Variants in TNC observed in about 807,000 individuals in gnomAD.
TNC encodes the protein tenascin C, also known as tenascin.
In TNC, 109 loss-of-function variants were observed where a neutral mutation model predicts 202.4. The ratio of observed to expected loss-of-function variants is 0.54; its 90% CI spans 0.46 to 0.63. The LOEUF (loss-of-function observed/expected upper bound fraction) is 0.63, where lower values mean the gene tolerates loss of function less well. Ranked by LOEUF, TNC falls within the 30% of genes least tolerant of loss-of-function variation. The pLI, the probability that TNC is intolerant of heterozygous loss-of-function variation, is 0.00. For missense variants in TNC, 2,756 were observed against 2,833.3 expected (o/e 0.97, Z 0.62); for synonymous variants, 1,007 against 1,089.7 (o/e 0.92, Z 1.50).
At chr9:115,076,625 C>A (rs1833884613) in intron 7 of TNC, 50 bp from the exon 8 acceptor site, 1 of 1,590,660 alleles carries the variant, frequency 6.3e-7, no homozygotes, top group Admixed American at 1.7e-5. Context: ...CACAAGAGAG[C>A]AGGAGTCTTT....
In TNC at chr9:115,076,261, A is replaced by G. The variant is rs1225267559; in HGVS notation, c.2860+129T>C. 2.9e-6 allele frequency: 4 copies of G among 1,396,502 alleles called. No individual in the cohort carries two copies. The African/African-American group carries it at 4.3e-5, about 15-fold the overall frequency. 86.5% of individuals were successfully genotyped at this position (1,396,502 alleles called of 1,614,324 possible). A position where few individuals can be genotyped will look rare whatever the true frequency, so the allele number is the denominator to read the frequency against. On this transcript the variant is annotated intron_variant, in intron 8 of 27. Coordinates refer to ENST00000350763, the MANE Select transcript of TNC (RefSeq NM_002160.4). ...TTACAAAAGAACTCACTGCAATCCAATAAGCAGTATTTCAGGAAATTGGAC... is the reference window on the plus strand; with the variant it reads ...TTACAAAAGAACTCACTGCAATCCAGTAAGCAGTATTTCAGGAAATTGGAC...
chr9:115,021,142 A>G lies in TNC; in HGVS notation c.*15T>C. ...TCTGGGCCTTATTCCTCTCTCACCC[A>G]GTGGTCCCTGGAATTTATGCCCGTT... On this transcript the variant is annotated 3_prime_UTR_variant, in exon 28 of 28. Coordinates refer to ENST00000350763, the MANE Select transcript of TNC (RefSeq NM_002160.4). The G allele has an allele frequency of 6.2e-7, 1 of 1,600,862 alleles. No individual in the cohort carries two copies.
At position 115,021,100 on chromosome 9, in the gene TNC, T is replaced by G; in HGVS notation, c.*57A>C. On this transcript the variant is annotated 3_prime_UTR_variant, in exon 28 of 28. Transcript: ENST00000350763. ...TGGGCTGGTTGTATTGATGCTTTGG[T>G]AAAATCCTTTCCTCGCTCTGGGCCT... 7.0e-7 allele frequency: 1 copy of G among 1,430,766 alleles called. No homozygotes were observed. The highest frequency in any genetic ancestry group is 9.8e-7 in the Non-Finnish European group (1 of 1,018,708). 88.6% of individuals were successfully genotyped at this position (1,430,766 alleles called of 1,614,324 possible). A position where few individuals can be genotyped will look rare whatever the true frequency, so the allele number is the denominator to read the frequency against.
intron 15 of TNC, among the ~76,000 whole-genome samples, chr9:115,056,428 G>A (rs370811606): frequency 9.2e-5 from 14 of 152,236 alleles, no homozygotes; most frequent in African/African-American, 3.4e-4. Context: ...CTGACTTAGT[G>A]CACATCTCAC....
At position 115,036,094 on chromosome 9, in the gene TNC, G is replaced by A; in HGVS notation, c.5656+4C>T. 6.2e-7 allele frequency: 1 copy of A among 1,614,128 alleles called. No individual in the cohort carries two copies. Among genetic ancestry groups the A allele is most frequent in the Non-Finnish European group, 8.5e-7 (1 of 1,180,004 alleles). On this transcript the variant is annotated splice_donor_region_variant and intron_variant, in intron 21 of 27. Coordinates refer to ENST00000350763, the MANE Select transcript of TNC (RefSeq NM_002160.4). ...AGAGCTTCCAGCTCTCAGTGTCTTT[G>A]TACCTGTTGTGAACTTGGCAGTGAT... is the stretch of plus-strand genomic sequence containing the variant.
Position 115,029,273 on chromosome 9 carries a change from C to A in TNC, c.6169+87G>T, listed in dbSNP as rs749676579. 5.2e-6 allele frequency: 6 copies of A among 1,160,196 alleles called. No homozygotes were observed. In the African/African-American group the frequency reaches 9.2e-5, roughly 18 times the overall value. 71.9% of individuals were successfully genotyped at this position (1,160,196 alleles called of 1,614,324 possible). On this transcript the variant is annotated intron_variant, in intron 25 of 27. Coordinates refer to ENST00000350763, the MANE Select transcript of TNC (RefSeq NM_002160.4). ...AGTAGTTCTTCTTCCTCATCTCTTT[C>A]TCTCCCATAGGTCCCTGTGGGTTAG...
intron 7 of TNC, 100 bp downstream of exon 7, chr9:115,077,843 G>T (rs568060135): frequency 8.1e-6 from 10 of 1,240,622 alleles, no homozygotes; most frequent in South Asian, 3.3e-5. Flanking sequence ...TTCATTTTTC[G>T]TACTGTAAAA....
At chr9:115,042,782 A>T (rs964064086) in intron 17 of TNC, among the ~76,000 whole-genome samples, 5 of 152,222 alleles carry the variant, frequency 3.3e-5, no homozygotes, top group Admixed American at 6.5e-5. Flanking sequence ...GCCCCCAAAA[A>T]GATGTGATTA....
chr9:115,092,603 T>C (rs549960402), intron 1 of TNC, among the ~76,000 whole-genome samples: 37 of 152,296 alleles, frequency 2.4e-4, no homozygotes, highest in African/African-American at 8.9e-4. Context: ...AGACAGAGTC[T>C]CACTCTGTTG....
At chr9:115,076,002 A>G in intron 9 of TNC, 30 bp downstream of exon 9, 1 of 1,589,350 alleles carries the variant, frequency 6.3e-7, no homozygotes, top group South Asian at 1.1e-5. Flanking sequence ...GCACCAGCTC[A>G]GTGGGATGGG....
In TNC at chr9:115,021,002, G is replaced by A. The variant is rs1829020810; in HGVS notation, c.*155C>T. 2 of 596,858 alleles carry A rather than the reference G, an allele frequency of 3.4e-6. No individual in the cohort carries two copies. The highest frequency in any genetic ancestry group is 3.0e-6 in the Non-Finnish European group (1 of 337,082). 37.0% of individuals were successfully genotyped at this position (596,858 alleles called of 1,614,324 possible). A position where few individuals can be genotyped will look rare whatever the true frequency, so the allele number is the denominator to read the frequency against. Reference sequence around the variant, plus strand: ...AAATCACAGAGGAGGTGAGGCCCATGCTGTTGCCGTTGGCCCCAGGGATCC... The same window carrying A: ...AAATCACAGAGGAGGTGAGGCCCATACTGTTGCCGTTGGCCCCAGGGATCC... On this transcript the variant is annotated 3_prime_UTR_variant, in exon 28 of 28. Coordinates refer to ENST00000350763, the MANE Select transcript of TNC (RefSeq NM_002160.4).
chr9:115,087,698 C>CTTTT (rs752435283), intron 2 of TNC, among the ~76,000 whole-genome samples: 37 of 119,720 alleles, frequency 3.1e-4, no homozygotes, highest in African/African-American at 5.5e-4. Flanking sequence ...TCTTTCTTTT[C>CTTTT]TTTTTTTTTT....
At chr9:115,050,735 C>T (rs1296495524) in intron 15 of TNC, among the ~76,000 whole-genome samples, 3 of 152,126 alleles carry the variant, frequency 2.0e-5, no homozygotes, top group African/African-American at 7.2e-5. Flanking sequence ...TATAAAATTC[C>T]TACTGGATGC....
intron 1 of TNC, among the ~76,000 whole-genome samples, chr9:115,114,256 T>G (rs1837291460): frequency 1.3e-5 from 2 of 152,230 alleles, no homozygotes; most frequent in Admixed American, 1.3e-4. Context: ...GTGAGAGGTA[T>G]TTGAATCATA....
chr9:115,092,363 T>C (rs936363044), intron 1 of TNC, among the ~76,000 whole-genome samples: 1 of 152,184 alleles, frequency 6.6e-6, no homozygotes, highest in Non-Finnish European at 1.5e-5. Flanking sequence ...TTCACCTGTA[T>C]GAGCAATCAG....
At chr9:115,038,454 A>C in intron 19 of TNC, 74 bp from the exon 20 acceptor site, 2 of 1,564,818 alleles carry the variant, frequency 1.3e-6, no homozygotes. Context: ...TGCTGTCCAC[A>C]CTGCTTATGG....
Position 115,035,233 on chromosome 9 carries a change from C to T in TNC, c.5758G>A (p.Val1920Ile). The change falls in exon 22 of 28, where the codon GTC becomes ATC. Residue 1920 changes from valine (V) to isoleucine (I), a missense_variant. Coordinates refer to ENST00000350763, the MANE Select transcript of TNC (RefSeq NM_002160.4). ...ACTGTGCCATCCACTGATTCATAGA[C>T]CAGCAGGTAACCGGTGACTGATGCC... Reference protein sequence around the residue: ...PRASVTGYLLVYESVDGTVKE... With the variant: ...PRASVTGYLLIYESVDGTVKE... 1 of 1,613,040 alleles carries T rather than the reference C, an allele frequency of 6.2e-7. No individual in the cohort carries two copies. The highest frequency in any genetic ancestry group is 1.1e-5 in the South Asian group (1 of 90,870).
At chr9:115,065,757 C>T (rs1366056559) in intron 10 of TNC, among the ~76,000 whole-genome samples, 1 of 151,990 alleles carries the variant, frequency 6.6e-6, no homozygotes, top group Non-Finnish European at 1.5e-5. Context: ...CAGAAATTAG[C>T]TGGGTGTGGT....
intron 9 of TNC, among the ~76,000 whole-genome samples, chr9:115,075,004 C>T (rs1341223085): frequency 6.6e-6 from 1 of 151,960 alleles, no homozygotes; most frequent in African/African-American, 2.4e-5. Context: ...ATCTCAAAAT[C>T]AAAAGATTAA....
Sources: allele counts gnomAD v4.1 joint callset (sites outside exome capture counted in the v4.1 genomes callset), GRCh38; gene constraint gnomAD v4.1.1; transcripts MANE v1.5; gene names NCBI Gene and HGNC (gene_info 2026-07-23, HGNC 2026-07-21).